The following MAP3K5 variants were observed in gnomAD, a reference collection of about 807,000 sequenced individuals.
MAP3K5 encodes the protein ASK-1.
Under a neutral mutation model 158.7 loss-of-function variants are expected in MAP3K5, and 56 were observed. The observed-to-expected ratio is 0.35, with a 90% CI of 0.28 to 0.44. The LOEUF (loss-of-function observed/expected upper bound fraction) is 0.44. Ranked by LOEUF, MAP3K5 falls within the 20% of genes least tolerant of loss-of-function variation. MAP3K5 has a pLI of 1.00. For missense variants in MAP3K5, 1,294 were observed against 1,674.8 expected, an observed-to-expected ratio of 0.77 and a Z score of 3.97; for synonymous variants, 579 against 601.7, an observed-to-expected ratio of 0.96 and a Z score of 0.55.
chr6:136,749,965 C>T (rs1036304694), intron 1 of MAP3K5, among the ~76,000 whole-genome samples: 6 of 152,158 alleles, frequency 3.9e-5, no homozygotes, highest in Non-Finnish European at 8.8e-5. Context: ...CATATAAACC[C>T]GCAAACAACC....
chr6:136,717,796 C>T (rs1781588821), intron 2 of MAP3K5, among the ~76,000 whole-genome samples: 1 of 152,162 alleles, frequency 6.6e-6, no homozygotes, highest in South Asian at 2.1e-4. Context: ...GCCAAATATG[C>T]TTCCTATCCC....
chr6:136,776,830 C>CT (rs1367544114), intron 1 of MAP3K5, among the ~76,000 whole-genome samples: 1 of 152,166 alleles, frequency 6.6e-6, no homozygotes, highest in Non-Finnish European at 1.5e-5. Context: ...TTAATGCTGA[C>CT]AGCCCTTACT....
chr6:136,683,378 T>G (rs1011053790), intron 7 of MAP3K5, among the ~76,000 whole-genome samples: 1 of 152,194 alleles, frequency 6.6e-6, no homozygotes, highest in African/African-American at 2.4e-5. Flanking sequence ...GTGCAGCTAA[T>G]CTGGGTTGGT....
At chr6:136,580,752 T>C (rs141464886) in intron 24 of MAP3K5, among the ~76,000 whole-genome samples, 24 of 152,234 alleles carry the variant, frequency 1.6e-4, no homozygotes, top group African/African-American at 4.8e-4. Context: ...TAAGAGACTT[T>C]AAATAAAAAT....
At chr6:136,595,482 A>G (rs774374940) in intron 21 of MAP3K5, among the ~76,000 whole-genome samples, 2 of 152,154 alleles carry the variant, frequency 1.3e-5, no homozygotes, top group Non-Finnish European at 2.9e-5. Flanking sequence ...CATTCATCCA[A>G]CATACAGTTG....
intron 1 of MAP3K5, among the ~76,000 whole-genome samples, chr6:136,788,538 C>CG: frequency 1.3e-5 from 2 of 152,186 alleles, no homozygotes; most frequent in East Asian, 3.9e-4. Flanking sequence ...TAAGAAAGGT[C>CG]TACAAATCAA....
intron 14 of MAP3K5, among the ~76,000 whole-genome samples, chr6:136,625,677 A>C (rs1422952933): frequency 6.6e-6 from 1 of 152,226 alleles, no homozygotes; most frequent in Non-Finnish European, 1.5e-5. Flanking sequence ...CAAAGCAAAA[A>C]CATTTTCATG....
Position 136,691,142 on chromosome 6 carries a change from A to C in MAP3K5, c.1253+2998T>G, listed in dbSNP as rs147879604. ...ATTTTACTATGATGTGCCAAGAGAT[A>C]ATTTTCTTTGATATTTATGCTCCTT... On this transcript the variant is annotated intron_variant, in intron 7 of 29. Coordinates refer to ENST00000359015, the MANE Select transcript of MAP3K5 (RefSeq NM_005923.4). 3.7e-3 allele frequency among the ~76,000 whole-genome samples: 558 copies of C among 152,186 alleles called. 1 individual carries two copies. The highest frequency in any genetic ancestry group is 0.012 in the African/African-American group (510 of 41,502).
At chr6:136,683,258 C>G (rs1780010093) in intron 7 of MAP3K5, among the ~76,000 whole-genome samples, 1 of 152,150 alleles carries the variant, frequency 6.6e-6, no homozygotes, top group Admixed American at 6.5e-5. Context: ...TGATGAAATA[C>G]TAGAAGCATG....
upstream of MAP3K5, among the ~76,000 whole-genome samples, chr6:136,793,089 C>T (rs1310369876): frequency 2.0e-5 from 3 of 152,236 alleles, no homozygotes; most frequent in Non-Finnish European, 4.4e-5. Context: ...CGAGGCAATA[C>T]TCGGTCTTCG....
At chr6:136,656,968 C>T (rs1778780705) in intron 9 of MAP3K5, among the ~76,000 whole-genome samples, 1 of 152,188 alleles carries the variant, frequency 6.6e-6, no homozygotes, top group Non-Finnish European at 1.5e-5. Flanking sequence ...AACTCAATAA[C>T]GTTGGTTATT....
At chr6:136,576,961 C>T (rs563520065) in intron 25 of MAP3K5, among the ~76,000 whole-genome samples, 6 of 151,956 alleles carry the variant, frequency 3.9e-5, no homozygotes, top group South Asian at 2.1e-4. Context: ...ATAAGGCCTG[C>T]GCATCTAGTA....
At chr6:136,759,260 T>A (rs981249774) in intron 1 of MAP3K5, among the ~76,000 whole-genome samples, 1 of 151,826 alleles carries the variant, frequency 6.6e-6, no homozygotes, top group Non-Finnish European at 1.5e-5. Context: ...ATTGACTAAG[T>A]ATTATGTGCC....
intron 2 of MAP3K5, among the ~76,000 whole-genome samples, chr6:136,715,894 G>A (rs1163741369): frequency 1.3e-5 from 2 of 151,646 alleles, no homozygotes; most frequent in Non-Finnish European, 1.5e-5. Flanking sequence ...GCTGGGCGTG[G>A]TGGCGGGAGC....
intron 3 of MAP3K5, among the ~76,000 whole-genome samples, chr6:136,699,362 C>T (rs1780747819): frequency 6.6e-6 from 1 of 152,246 alleles, no homozygotes; most frequent in African/African-American, 2.4e-5. Context: ...GGTCCCCCTG[C>T]TTCCACTCTT....
rs1298877213 is a variant in MAP3K5 at position 136,695,959 on chromosome 6, T to C, written c.1074A>G (p.Ala358=). ...GAACTTTTTCTTCTTACCTATTCAG[T>C]GCAAATGCATAATGAAACTTCACAT... ...HHHVKFHYAF[A]LNRRNLPGDR... The change falls in exon 6 of 30, where the codon GCA becomes GCG. Residue 358 remains alanine (A), a synonymous_variant. Transcript: ENST00000359015. 2 of 1,610,802 alleles carry C rather than the reference T, an allele frequency of 1.2e-6. No homozygotes were observed. Among genetic ancestry groups the C allele is most frequent in the East Asian group, 2.2e-5 (1 of 44,782 alleles).
chr6:136,692,205 G>T (rs1780418636), intron 7 of MAP3K5, among the ~76,000 whole-genome samples: 1 of 151,740 alleles, frequency 6.6e-6, no homozygotes, highest in Admixed American at 6.6e-5. Flanking sequence ...CCACACCCAG[G>T]TTGCTTAGTA....
intron 1 of MAP3K5, among the ~76,000 whole-genome samples, chr6:136,753,740 C>T (rs1783326176): frequency 6.6e-6 from 1 of 152,118 alleles, no homozygotes; most frequent in South Asian, 2.1e-4. Context: ...CCTCAGGTAG[C>T]TTATCATCAT....
rs1430308670 is a variant in MAP3K5 at position 136,769,777 on chromosome 6, A to G, written c.448+21933T>C. 2.1e-3 allele frequency among the ~76,000 whole-genome samples: 54 copies of G among 26,258 alleles called. 1 individual carries two copies. Among genetic ancestry groups the G allele is most frequent in the African/African-American group, 0.01 (50 of 4,770 alleles). The allele number at this position is 26,258 out of a possible 152,430, so 17.2% of individuals were successfully genotyped here. A position where few individuals can be genotyped will look rare whatever the true frequency, so the allele number is the denominator to read the frequency against. The stretch of plus-strand genomic sequence containing the variant: ...GAAGGAAGGAAGGAAGGAAGGAAGG[A>G]AGGAAGGAAGGAAGGAAGGGAGGGA... On this transcript the variant is annotated intron_variant, in intron 1 of 29. Transcript: ENST00000359015.
Sources: allele counts gnomAD v4.1 joint callset (sites outside exome capture counted in the v4.1 genomes callset), GRCh38; gene constraint gnomAD v4.1.1; transcripts MANE v1.5; gene names NCBI Gene and HGNC (gene_info 2026-07-23, HGNC 2026-07-21).